The following NOTCH2NLR variants were observed in gnomAD, a reference collection of about 807,000 sequenced individuals.
NOTCH2NLR encodes the protein notch 2 N-terminal like R (pseudogene).
A neutral mutation model predicts 35.6 loss-of-function variants in NOTCH2NLR; 33 were observed. That is an observed-to-expected ratio of 0.93 (90% CI 0.70 to 1.24). The LOEUF (loss-of-function observed/expected upper bound fraction) is 1.24. Ranked by LOEUF, NOTCH2NLR falls within the 50% of genes most tolerant of loss-of-function variation. The pLI, the probability that NOTCH2NLR is intolerant of heterozygous loss-of-function variation, is 0.00. For missense variants in NOTCH2NLR, 276 were observed against 362.2 expected, an observed-to-expected ratio of 0.76 and a Z score of 1.93; for synonymous variants, 103 against 141.0, an observed-to-expected ratio of 0.73 and a Z score of 1.91.
chr1:120,762,521 G>A (rs1323103833), intron 1 of NOTCH2NLR, among the ~76,000 whole-genome samples: 1 of 115,260 alleles, frequency 8.7e-6, no homozygotes, highest in Non-Finnish European at 1.7e-5. Context: ...AGGAAACTTG[G>A]AGGGGGGAAC....
Position 120,793,591 on chromosome 1 carries a change from G to A in NOTCH2NLR, c.751+95G>A. The A allele has an allele frequency of 8.4e-6, 8 of 953,526 alleles. 3 individuals are homozygous for A. Among genetic ancestry groups the A allele is most frequent in the Middle Eastern group, 2.2e-4 (1 of 4,462 alleles). 59.1% of individuals were successfully genotyped at this position (953,526 alleles called of 1,614,324 possible). ...AATTGCATTTTTTAGGAAGCGCAAGGAAAAAGGGAAGTGAGAATTTTGTGT... is the reference window on the plus strand; with the variant it reads ...AATTGCATTTTTTAGGAAGCGCAAGAAAAAAGGGAAGTGAGAATTTTGTGT... On this transcript the variant is annotated intron_variant, in intron 4 of 4. Coordinates refer to ENST00000624419, the Ensembl canonical transcript of NOTCH2NLR.
chr1:120,724,286 C>G lies in NOTCH2NLR; in HGVS notation c.73+36C>G, dbSNP rs1260427747. The G allele has an allele frequency of 1.5e-6, 2 of 1,373,392 alleles. 1 individual carries two copies. Among genetic ancestry groups the G allele is most frequent in the East Asian group, 5.1e-5 (2 of 39,332 alleles). The allele number at this position is 1,373,392 out of a possible 1,614,324, so 85.1% of individuals were successfully genotyped here. A position where few individuals can be genotyped will look rare whatever the true frequency, so the allele number is the denominator to read the frequency against. ...GGCTGAGGGGCGCTGTCCGCGGCGC[C>G]CGGGGCTGCCACCTGGGGCGACCCT... On this transcript the variant is annotated intron_variant, in intron 1 of 4. Coordinates refer to ENST00000624419, the Ensembl canonical transcript of NOTCH2NLR.
chr1:120,763,414 A>G (rs1651154295), intron 1 of NOTCH2NLR, among the ~76,000 whole-genome samples: 1 of 108,172 alleles, frequency 9.2e-6, no homozygotes. Context: ...AAATAAGAGC[A>G]TCATTCAAGA....
At position 120,763,660 on chromosome 1, in the gene NOTCH2NLR, G is replaced by A; in HGVS notation, c.106G>A (p.Val36Ile). The change falls in exon 2 of 5, where the codon GTA (valine) becomes ATA (isoleucine). Residue 36 changes from valine to isoleucine, a missense_variant. By Grantham distance (29) the Val-to-Ile change is conservative. Coordinates refer to ENST00000624419, the Ensembl canonical transcript of NOTCH2NLR. ...GTGTCGAGATGGCTATGAACCCTGT[G>A]TAAATAAAGGAATGTGTGTTACCTA... The A allele has an allele frequency of 1.4e-6, 2 of 1,414,438 alleles. 1 individual carries two copies. Among genetic ancestry groups the A allele is most frequent in the East Asian group, 4.7e-5 (2 of 42,574 alleles). 87.6% of individuals were successfully genotyped at this position (1,414,438 alleles called of 1,614,324 possible). A position where few individuals can be genotyped will look rare whatever the true frequency, so the allele number is the denominator to read the frequency against.
rs1256921058 is a variant in NOTCH2NLR at position 120,790,538 on chromosome 1, T to C, written c.416-2623T>C. On this transcript the variant is annotated intron_variant, in intron 3 of 4. Coordinates refer to ENST00000624419, the Ensembl canonical transcript of NOTCH2NLR. The stretch of plus-strand genomic sequence containing the variant: ...ATTCTTTCTTTCTTTCTCCCTCCCT[T>C]TCTTTCTTTCTTTCTTTCTTTCTTT... Among the ~76,000 whole-genome samples, 7 of 46,510 alleles carry C rather than the reference T, an allele frequency of 1.5e-4. 1 individual carries two copies. The highest frequency in any genetic ancestry group is 7.9e-4 in the South Asian group (1 of 1,266). The allele number at this position is 46,510 out of a possible 152,430, so 30.5% of individuals were successfully genotyped here. A position where few individuals can be genotyped will look rare whatever the true frequency, so the allele number is the denominator to read the frequency against.
intron 2 of NOTCH2NLR, among the ~76,000 whole-genome samples, chr1:120,784,750 A>C (rs1486152756): frequency 0.047 from 5,544 of 117,908 alleles, 1,345 homozygotes; most frequent in Non-Finnish European, 0.063. Flanking sequence ...GTAAACTCCA[A>C]GAGTGTAAGA....
exon 3 of NOTCH2NLR, chr1:120,785,075 G>C: frequency 6.9e-7 from 1 of 1,446,066 alleles, no homozygotes; most frequent in African/African-American, 2.6e-5. Flanking sequence ...GCCATGCTGG[G>C]GAAAGCCACG....
chr1:120,752,557 T>G lies in NOTCH2NLR; in HGVS notation c.74-11071T>G, dbSNP rs1651033898. ...ATATATATATATATATATATATATTTTTTTTTTTTTTTTTTTTCTTTTTTT... is the reference window on the plus strand; with the variant it reads ...ATATATATATATATATATATATATTGTTTTTTTTTTTTTTTTTCTTTTTTT... On this transcript the variant is annotated intron_variant, in intron 1 of 4. Coordinates refer to ENST00000624419, the Ensembl canonical transcript of NOTCH2NLR. Among the ~76,000 whole-genome samples the G allele has an allele frequency of 1.9e-4, 4 of 21,072 alleles. No individual in the cohort carries two copies. In the African/African-American group the frequency reaches 2.5e-3, roughly 13 times the overall value. The allele number at this position is 21,072 out of a possible 152,430, so 13.8% of individuals were successfully genotyped here.
At position 120,793,562 on chromosome 1, in the gene NOTCH2NLR, G is replaced by C. The variant is rs1369261222; in HGVS notation, c.751+66G>C. ...CCTAGCACAGGAGGTAGTGGGTGTGGCTCAATTGCATTTTTTAGGAAGCGC... is the reference window on the plus strand; with the variant it reads ...CCTAGCACAGGAGGTAGTGGGTGTGCCTCAATTGCATTTTTTAGGAAGCGC... On this transcript the variant is annotated intron_variant, in intron 4 of 4. Coordinates refer to ENST00000624419, the Ensembl canonical transcript of NOTCH2NLR. 4.5e-6 allele frequency: 5 copies of C among 1,111,090 alleles called. No individual in the cohort carries two copies. The Admixed American group carries it at 1.1e-4, about 25-fold the overall frequency. 68.8% of individuals were successfully genotyped at this position (1,111,090 alleles called of 1,614,324 possible). A position where few individuals can be genotyped will look rare whatever the true frequency, so the allele number is the denominator to read the frequency against.
At position 120,791,449 on chromosome 1, in the gene NOTCH2NLR, A is replaced by G. The variant is rs1651492941; in HGVS notation, c.416-1712A>G. Among the ~76,000 whole-genome samples, 2 of 104,910 alleles carry G rather than the reference A, an allele frequency of 1.9e-5. 1 individual carries two copies. The highest frequency in any genetic ancestry group is 1.3e-4 in the African/African-American group (2 of 15,920). 68.8% of individuals were successfully genotyped at this position (104,910 alleles called of 152,430 possible). On this transcript the variant is annotated intron_variant, in intron 3 of 4. Transcript: ENST00000624419. Reference sequence around the variant, plus strand: ...TAAGAAAATGTGGCACATATACACCATGGAATACTATTCAGCCATAAAAAA... The same window carrying G: ...TAAGAAAATGTGGCACATATACACCGTGGAATACTATTCAGCCATAAAAAA...
chr1:120,792,396 C>T (rs1370289377), intron 3 of NOTCH2NLR, among the ~76,000 whole-genome samples: 5 of 77,152 alleles, frequency 6.5e-5, no homozygotes, highest in South Asian at 3.7e-4. Flanking sequence ...TCTGTGTTTG[C>T]GCACATGTAT....
intron 3 of NOTCH2NLR, among the ~76,000 whole-genome samples, chr1:120,789,898 G>T (rs1186115387): frequency 1.5e-5 from 1 of 66,252 alleles, no homozygotes; most frequent in East Asian, 3.3e-4. Flanking sequence ...GGAAATGACA[G>T]TAATGCCTTC....
At position 120,724,028 on chromosome 1, in the gene NOTCH2NLR, C is replaced by G; in HGVS notation, c.-150C>G. The stretch of plus-strand genomic sequence containing the variant: ...GGGAGTCGAGGCATTTGCACCTGGG[C>G]TTCGGAGCGTAGCGCCAGGGCCTGA... On this transcript the variant is annotated 5_prime_UTR_variant, in exon 1 of 5. Transcript: ENST00000624419. 4.0e-6 allele frequency: 5 copies of G among 1,247,028 alleles called. 1 individual carries two copies. The highest frequency in any genetic ancestry group is 5.1e-6 in the Non-Finnish European group (5 of 989,936). The allele number at this position is 1,247,028 out of a possible 1,614,324, so 77.2% of individuals were successfully genotyped here. A position where few individuals can be genotyped will look rare whatever the true frequency, so the allele number is the denominator to read the frequency against.
At chr1:120,769,647 T>C (rs1651238825) in intron 2 of NOTCH2NLR, among the ~76,000 whole-genome samples, 1 of 121,536 alleles carries the variant, frequency 8.2e-6, no homozygotes, top group African/African-American at 4.4e-5. Flanking sequence ...CAGGTTTTAT[T>C]AATTCAAGAG....
At chr1:120,752,519 A>ATATAT (rs1651027767) in intron 1 of NOTCH2NLR, among the ~76,000 whole-genome samples, 3 of 14,664 alleles carry the variant, frequency 2.0e-4, no homozygotes, top group African/African-American at 1.4e-3. Flanking sequence ...GAAGTTCAGG[A>ATATAT]ATATATATAT....
chr1:120,769,598 C>A (rs1651237883), intron 2 of NOTCH2NLR, among the ~76,000 whole-genome samples: 1 of 122,216 alleles, frequency 8.2e-6, no homozygotes, highest in Admixed American at 7.8e-5. Context: ...TCATTAAATA[C>A]CTCTCATAGA....
In NOTCH2NLR at chr1:120,756,141, G is replaced by A. The variant is rs1284177110; in HGVS notation, c.74-7487G>A. ...AAAGTTTTGTTTGAAATTGCAGGGC[G>A]CTATGAGAATTATTGCAAATCCCTG... On this transcript the variant is annotated intron_variant, in intron 1 of 4. Coordinates refer to ENST00000624419, the Ensembl canonical transcript of NOTCH2NLR. Among the ~76,000 whole-genome samples the A allele has an allele frequency of 3.5e-5, 4 of 113,288 alleles. 1 individual carries two copies. Among genetic ancestry groups the A allele is most frequent in the Non-Finnish European group, 6.7e-5 (4 of 59,950 alleles). 74.3% of individuals were successfully genotyped at this position (113,288 alleles called of 152,430 possible).
At chr1:120,724,226 C>T in exon 1 of NOTCH2NLR, 1 of 1,405,060 alleles carries the variant, frequency 7.1e-7, no homozygotes, top group Non-Finnish European at 9.3e-7. Flanking sequence ...GGCGCTCTGG[C>T]TGTGCTGGGC....
At chr1:120,776,042 T>TG (rs1651304161) in intron 2 of NOTCH2NLR, among the ~76,000 whole-genome samples, 1 of 109,956 alleles carries the variant, frequency 9.1e-6, no homozygotes, top group Admixed American at 8.8e-5. Flanking sequence ...AAACTTCAAG[T>TG]GTATTTATAG....
Sources: gnomAD v4.1 joint callset for allele counts (sites outside exome capture counted in the v4.1 genomes callset) on GRCh38, gnomAD v4.1.1 for gene constraint, MANE v1.5 for transcripts, NCBI Gene and HGNC (gene_info 2026-07-23, HGNC 2026-07-21) for gene names.